The following HMGB1 variants were observed in gnomAD, a reference collection of about 807,000 sequenced individuals.
HMGB1 encodes the protein high mobility group box 1.
For missense variants in HMGB1, 79 were observed against 253.5 expected, an observed-to-expected ratio of 0.31 and a Z score of 4.67; for synonymous variants, 81 against 84.0, an observed-to-expected ratio of 0.96 and a Z score of 0.19.
rs1886126476 is a variant in HMGB1 at position 30,458,878 on chromosome 13, T to C, written c.*2479A>G. ...TGTGATGGGACGATCATCAGAACTG[T>C]GGTAACTAATCAGCAATAGCTCTCA... is the stretch of plus-strand genomic sequence containing the variant. On this transcript the variant is annotated 3_prime_UTR_variant, in exon 5 of 5. Transcript: ENST00000341423. 1.3e-5 allele frequency: 2 copies of C among 152,188 alleles called. No individual in the cohort carries two copies. The highest frequency in any genetic ancestry group is 1.3e-4 in the Admixed American group (2 of 15,286). 9.4% of individuals were successfully genotyped at this position (152,188 alleles called of 1,614,324 possible).
At chr13:30,529,781 T>C (rs1291762118) in intron 1 of HMGB1, among the ~76,000 whole-genome samples, 1 of 150,744 alleles carries the variant, frequency 6.6e-6, no homozygotes, top group Non-Finnish European at 1.5e-5. Context: ...AGCTAACAGA[T>C]TTCTATGCAA....
rs1566019309 is a variant in HMGB1, at chr13:30,538,724, CT to C, written c.-14-75031del. ...TTCTTTTTCTTTCTTTCTTCTTTTT[CT>C]TTCTTTTTCTTTCTTTCTTCTTTTT... On this transcript the variant is annotated intron_variant, in intron 1 of 4. Coordinates refer to the HMGB1 transcript ENST00000405805. 3.0e-3 allele frequency among the ~76,000 whole-genome samples: 216 copies of C among 72,598 alleles called. 5 individuals carry two copies. The highest frequency in any genetic ancestry group is 0.025 in the South Asian group (52 of 2,116). 47.6% of individuals were successfully genotyped at this position (72,598 alleles called of 152,430 possible).
chr13:30,583,528 CAA>C (rs35519297), intron 1 of HMGB1, among the ~76,000 whole-genome samples: 67 of 66,958 alleles, frequency 1.0e-3, no homozygotes, highest in South Asian at 3.3e-3. Context: ...ACCTGGTCTC[CAA>C]AAAAAAAAAA....
chr13:30,554,689 A>G, intron 1 of HMGB1: 1 of 771,364 alleles, frequency 1.3e-6, no homozygotes, highest in Non-Finnish European at 2.4e-6. Flanking sequence ...ATGGAAGAGA[A>G]CAGTGAGAAT....
At chr13:30,502,639 C>T (rs4494391) in intron 1 of HMGB1, among the ~76,000 whole-genome samples, 126,849 of 150,946 alleles carry the variant, frequency 0.84, 57,353 homozygotes, top group East Asian at 0.99. Context: ...TTTTACTTTA[C>T]TTTATTTTAT....
intron 1 of HMGB1, among the ~76,000 whole-genome samples, chr13:30,567,648 C>G (rs993495103): frequency 6.6e-6 from 1 of 152,192 alleles, no homozygotes; most frequent in Non-Finnish European, 1.5e-5. Context: ...CTGCGCCCAG[C>G]CTGTTAACCA....
intron 1 of HMGB1, among the ~76,000 whole-genome samples, chr13:30,493,379 C>T (rs1286771623): frequency 3.3e-5 from 5 of 152,246 alleles, no homozygotes; most frequent in East Asian, 3.9e-4. Flanking sequence ...GCAAACTAAT[C>T]GGTAAGTGGC....
At chr13:30,496,370 C>T (rs1476604139) in intron 1 of HMGB1, among the ~76,000 whole-genome samples, 1 of 152,220 alleles carries the variant, frequency 6.6e-6, no homozygotes, top group Non-Finnish European at 1.5e-5. Flanking sequence ...AGACTCACAG[C>T]CTGGCACATG....
intron 1 of HMGB1, among the ~76,000 whole-genome samples, chr13:30,528,088 TAAC>T (rs1888410663): frequency 6.6e-6 from 1 of 152,236 alleles, no homozygotes; most frequent in South Asian, 2.1e-4. Flanking sequence ...CATGCGGTCT[TAAC>T]AACCTGACCC....
chr13:30,519,626 GGAGACGGAGCTTGCAGT>G (rs1293187992), intron 1 of HMGB1, among the ~76,000 whole-genome samples: 1 of 151,744 alleles, frequency 6.6e-6, no homozygotes, highest in African/African-American at 2.4e-5. Flanking sequence ...CGTGAACCCA[GGAGACGGAGCTTGCAGT>G]GAGCTGAGAT....
At chr13:30,578,652 C>T (rs774892420) in intron 1 of HMGB1, among the ~76,000 whole-genome samples, 5 of 152,096 alleles carry the variant, frequency 3.3e-5, no homozygotes, top group African/African-American at 4.8e-5. Context: ...ATCCTAGATT[C>T]GGAACCTCTC....
intron 1 of HMGB1, among the ~76,000 whole-genome samples, chr13:30,575,079 T>G (rs1170727518): frequency 6.6e-6 from 1 of 152,240 alleles, no homozygotes; most frequent in African/African-American, 2.4e-5. Context: ...CTGCATGGTG[T>G]GCATATGTTT....
intron 1 of HMGB1, among the ~76,000 whole-genome samples, chr13:30,526,014 A>G (rs1207983687): frequency 1.3e-5 from 2 of 151,852 alleles, no homozygotes; most frequent in Non-Finnish European, 2.9e-5. Context: ...TTTTTTTAAA[A>G]TTGGAAGGCA....
intron 1 of HMGB1, among the ~76,000 whole-genome samples, chr13:30,506,169 A>C (rs561589834): frequency 2.0e-5 from 3 of 152,294 alleles, no homozygotes; most frequent in Admixed American, 6.5e-5. Flanking sequence ...GCCCCTTCCC[A>C]GGTGGCAGCA....
At chr13:30,464,350 C>G (rs983038169) in intron 1 of HMGB1, 27 of 985,308 alleles carry the variant, frequency 2.7e-5, no homozygotes, top group Non-Finnish European at 2.9e-5. Flanking sequence ...TCTGAAGTTT[C>G]TCCGAGTAAA....
chr13:30,556,317 T>C (rs1197970796), intron 1 of HMGB1, among the ~76,000 whole-genome samples: 3 of 152,146 alleles, frequency 2.0e-5, no homozygotes, highest in Non-Finnish European at 2.9e-5. Flanking sequence ...GGCAGGAGAA[T>C]TGCTTGAGCC....
chr13:30,536,510 C>T (rs187450941), intron 1 of HMGB1, among the ~76,000 whole-genome samples: 14 of 152,234 alleles, frequency 9.2e-5, no homozygotes, highest in East Asian at 1.9e-4. Context: ...CCACCACACC[C>T]GGCTAATTTT....
chr13:30,548,057 C>G (rs1184786091), intron 1 of HMGB1, among the ~76,000 whole-genome samples: 4 of 152,172 alleles, frequency 2.6e-5, no homozygotes, highest in Non-Finnish European at 5.9e-5. Context: ...AGGAATACCA[C>G]TGTTTCAGGT....
At chr13:30,563,257 A>G (rs537866713) in intron 1 of HMGB1, among the ~76,000 whole-genome samples, 1 of 152,226 alleles carries the variant, frequency 6.6e-6, no homozygotes. Flanking sequence ...TATTTCTGAC[A>G]GAGTGTTCCC....
Sources: allele counts gnomAD v4.1 joint callset (sites outside exome capture counted in the v4.1 genomes callset), GRCh38; gene constraint gnomAD v4.1.1; transcripts MANE v1.5; gene names NCBI Gene and HGNC (gene_info 2026-07-23, HGNC 2026-07-21).